KCNMA1: variants seen among roughly 807,000 people sequenced by gnomAD.
KCNMA1 encodes Calcium-activated potassium channel subunit alpha-1.
In KCNMA1, 29 loss-of-function variants were observed where a neutral mutation model predicts 140.0. The observed-to-expected ratio is 0.21, with a 90% confidence interval of 0.15 to 0.28. The LOEUF (loss-of-function observed/expected upper bound fraction) is 0.28, where lower values mean the gene tolerates loss of function less well. Ranked by LOEUF, KCNMA1 falls within the 10% of genes least tolerant of loss-of-function variation. KCNMA1 has a pLI of 1.00. For missense variants in KCNMA1, 880 were observed against 1,602.2 expected, an observed-to-expected ratio of 0.55 and a Z score of 7.70; for synonymous variants, 612 against 611.9, an observed-to-expected ratio of 1.00 and a Z score of 0.00.
At chr10:77,579,153 G>A (rs1442077491) in intron 1 of KCNMA1, among the ~76,000 whole-genome samples, 1 of 152,248 alleles carries the variant, frequency 6.6e-6, no homozygotes, top group Non-Finnish European at 1.5e-5. Context: ...TCTAGCCAAG[G>A]AAGCAGCAAG....
At chr10:77,176,531 C>A (rs118070234) in intron 5 of KCNMA1, among the ~76,000 whole-genome samples, 1 of 152,226 alleles carries the variant, frequency 6.6e-6, no homozygotes, top group South Asian at 2.1e-4. Flanking sequence ...CTCTCCCCAA[C>A]GGTCTCCTCC....
At chr10:77,033,678 C>A (rs2094113125) in intron 15 of KCNMA1, among the ~76,000 whole-genome samples, 1 of 152,170 alleles carries the variant, frequency 6.6e-6, no homozygotes, top group Admixed American at 6.5e-5. Context: ...AGCGTCCACC[C>A]CATTTCCAAC....
intron 6 of KCNMA1, among the ~76,000 whole-genome samples, chr10:77,113,141 G>A (rs1253643493): frequency 1.3e-5 from 2 of 152,050 alleles, no homozygotes; most frequent in Non-Finnish European, 2.9e-5. Context: ...AAATCCAACT[G>A]TCAGGAAACA....
intron 1 of KCNMA1, among the ~76,000 whole-genome samples, chr10:77,516,844 G>C (rs2050678731): frequency 1.3e-5 from 2 of 152,216 alleles, no homozygotes; most frequent in Non-Finnish European, 2.9e-5. Context: ...CGGTGTACGG[G>C]AGACTGAAGG....
chr10:77,149,107 G>A (rs966801564), intron 5 of KCNMA1, among the ~76,000 whole-genome samples: 5 of 152,148 alleles, frequency 3.3e-5, no homozygotes, highest in African/African-American at 4.8e-5. Context: ...ATAATCCATC[G>A]TGCCTAGCAC....
chr10:77,162,618 T>A (rs791), intron 5 of KCNMA1, among the ~76,000 whole-genome samples: 2 of 152,230 alleles, frequency 1.3e-5, no homozygotes, highest in Non-Finnish European at 2.9e-5. Flanking sequence ...GAATTTTTTT[T>A]AAATCTTTCT....
chr10:77,204,142 T>C (rs2043308697), intron 3 of KCNMA1, among the ~76,000 whole-genome samples: 3 of 151,752 alleles, frequency 2.0e-5, no homozygotes, highest in African/African-American at 7.3e-5. Flanking sequence ...TTAAATTATA[T>C]GACAATTACA....
intron 10 of KCNMA1, among the ~76,000 whole-genome samples, chr10:77,087,728 A>G (rs1181651666): frequency 1.3e-5 from 2 of 152,228 alleles, no homozygotes; most frequent in African/African-American, 4.8e-5. Context: ...TTAATTCTGC[A>G]GAGATGAAAA....
intron 23 of KCNMA1, among the ~76,000 whole-genome samples, chr10:76,941,580 A>T (rs1349544052): frequency 5.3e-5 from 8 of 152,178 alleles, no homozygotes; most frequent in African/African-American, 1.9e-4. Context: ...ACAGACAAGA[A>T]AACAATGGGA....
intron 2 of KCNMA1, among the ~76,000 whole-genome samples, chr10:77,264,202 C>T (rs937315900): frequency 8.5e-5 from 13 of 152,154 alleles, no homozygotes; most frequent in Admixed American, 2.6e-4. Flanking sequence ...ATGGTCTCAC[C>T]ATTCTCCCTC....
chr10:77,565,216 C>T (rs184445865), intron 1 of KCNMA1, among the ~76,000 whole-genome samples: 19 of 152,314 alleles, frequency 1.2e-4, no homozygotes, highest in African/African-American at 4.3e-4. Flanking sequence ...TTGTGAATCC[C>T]TCCAGGCTCA....
Position 77,376,948 on chromosome 10 carries a change from A to ATACATACATAC in KCNMA1, c.540+26913_540+26914insGTATGTATGTA, listed in dbSNP as rs2095152762. 5.3e-3 allele frequency among the ~76,000 whole-genome samples: 786 copies of ATACATACATAC among 148,422 alleles called. 3 individuals are homozygous for ATACATACATAC. The highest frequency in any genetic ancestry group is 0.013 in the African/African-American group (513 of 39,942). On this transcript the variant is annotated intron_variant, in intron 2 of 27. Transcript: ENST00000286628. ...GCAAGATTCCCTCTCAAAATAAATA[A>ATACATACATAC]ATACATACATACATACATACATACA...
Position 77,439,149 on chromosome 10 carries a change from A to AGAGAG in KCNMA1, c.379-35127_379-35126insCTCTC, listed in dbSNP as rs1555337767. Among the ~76,000 whole-genome samples the AGAGAG allele has an allele frequency of 1.4e-3, 122 of 85,268 alleles. 2 individuals are homozygous for AGAGAG. Among genetic ancestry groups the AGAGAG allele is most frequent in the East Asian group, 7.1e-3 (18 of 2,524 alleles). 55.9% of individuals were successfully genotyped at this position (85,268 alleles called of 152,430 possible). A position where few individuals can be genotyped will look rare whatever the true frequency, so the allele number is the denominator to read the frequency against. ...AGAGAAGAGAAGAGAAGAGAAGAGA[A>AGAGAG]AAGAGAAGAGAAGAAAAGAAAAGAG... On this transcript the variant is annotated intron_variant, in intron 1 of 27. Transcript: ENST00000286628.
intron 2 of KCNMA1, among the ~76,000 whole-genome samples, chr10:77,388,109 A>T (rs2095682594): frequency 6.6e-6 from 1 of 152,216 alleles, no homozygotes; most frequent in Non-Finnish European, 1.5e-5. Flanking sequence ...GCCAGATAAG[A>T]TTGCATGTCA....
intron 1 of KCNMA1, among the ~76,000 whole-genome samples, chr10:77,404,816 A>G (rs1389771770): frequency 6.6e-6 from 1 of 152,186 alleles, no homozygotes; most frequent in Non-Finnish European, 1.5e-5. Flanking sequence ...GCCAACAGCA[A>G]TTGGGCCATT....
At chr10:77,021,959 CT>C (rs2092911388) in intron 16 of KCNMA1, among the ~76,000 whole-genome samples, 1 of 152,178 alleles carries the variant, frequency 6.6e-6, no homozygotes. Context: ...GACATTAAGT[CT>C]TCTATACACA....
intron 1 of KCNMA1, among the ~76,000 whole-genome samples, chr10:77,601,717 C>T (rs1645851912): frequency 6.6e-6 from 1 of 152,144 alleles, no homozygotes; most frequent in Non-Finnish European, 1.5e-5. Context: ...CTCCTCTCCC[C>T]GGGCCCTGGT....
At chr10:77,469,969 T>C (rs554978733) in intron 1 of KCNMA1, among the ~76,000 whole-genome samples, 18 of 152,158 alleles carry the variant, frequency 1.2e-4, no homozygotes, top group Admixed American at 3.9e-4. Context: ...TTTTTTTTTT[T>C]AACTTTTTAA....
chr10:77,614,172 A>G (rs1005567203), intron 1 of KCNMA1, among the ~76,000 whole-genome samples: 2 of 152,248 alleles, frequency 1.3e-5, no homozygotes, highest in Non-Finnish European at 2.9e-5. Flanking sequence ...GAAAACAAAG[A>G]GATTCAGTGC....
Sources: gnomAD v4.1 joint callset for allele counts (sites outside exome capture counted in the v4.1 genomes callset) on GRCh38, gnomAD v4.1.1 for gene constraint, MANE v1.5 for transcripts, NCBI Gene and HGNC (gene_info 2026-07-23, HGNC 2026-07-21) for gene names.